RHOBTB3: variants seen among roughly 807,000 people sequenced by gnomAD.
RHOBTB3 encodes rho-related BTB domain-containing protein 3.
A neutral mutation model predicts 67.2 loss-of-function variants in RHOBTB3; 47 were observed. That is an observed-to-expected ratio of 0.70 (90% confidence interval 0.55 to 0.89). The LOEUF (loss-of-function observed/expected upper bound fraction) is 0.89, where lower values mean the gene tolerates loss of function less well. Among genes scored for constraint, RHOBTB3 ranks in the 40% least tolerant of loss-of-function variants. RHOBTB3 has a pLI of 0.00. For synonymous variants in RHOBTB3, 273 were observed against 274.2 expected, an observed-to-expected ratio of 1.00 and a Z score of 0.04; for missense variants, 631 against 750.0, an observed-to-expected ratio of 0.84 and a Z score of 1.85.
chr5:95,759,959 A>G (rs1018140218), intron 6 of RHOBTB3, among the ~76,000 whole-genome samples: 14 of 149,434 alleles, frequency 9.4e-5, no homozygotes, highest in Non-Finnish European at 2.1e-4. Flanking sequence ...TTTTTTTTTT[A>G]AAGAACCAGA....
intron 7 of RHOBTB3, among the ~76,000 whole-genome samples, chr5:95,764,508 T>C (rs1440729947): frequency 6.6e-6 from 1 of 152,206 alleles, no homozygotes; most frequent in Non-Finnish European, 1.5e-5. Context: ...TCTAGTAACT[T>C]GGTATTGTGT....
rs1746527328 is a variant in RHOBTB3, at chr5:95,794,893, A to G, written c.*1719A>G. The G allele has an allele frequency of 1.3e-5, 2 of 152,186 alleles. No individual in the cohort carries two copies. The highest frequency in any genetic ancestry group is 6.5e-5 in the Admixed American group (1 of 15,270). The allele number at this position is 152,186 out of a possible 1,614,324, so 9.4% of individuals were successfully genotyped here. A position where few individuals can be genotyped will look rare whatever the true frequency, so the allele number is the denominator to read the frequency against. On this transcript the variant is annotated 3_prime_UTR_variant, in exon 12 of 12. Coordinates refer to ENST00000379982, the MANE Select transcript of RHOBTB3 (RefSeq NM_014899.4). ...TGAGGCAAGTGGATAACTTGAGGTCATGAGTTCGAAACCAGCCTGGCCAAA... is the reference window on the plus strand; with the variant it reads ...TGAGGCAAGTGGATAACTTGAGGTCGTGAGTTCGAAACCAGCCTGGCCAAA...
intron 6 of RHOBTB3, among the ~76,000 whole-genome samples, chr5:95,760,465 G>A (rs1745365739): frequency 6.6e-6 from 1 of 152,184 alleles, no homozygotes; most frequent in African/African-American, 2.4e-5. Context: ...GGCCCTTAGA[G>A]TTTCACATCA....
At chr5:95,741,975 G>C (rs1755614367) in intron 3 of RHOBTB3, among the ~76,000 whole-genome samples, 1 of 152,068 alleles carries the variant, frequency 6.6e-6, no homozygotes, top group African/African-American at 2.4e-5. Context: ...TGCTCACATT[G>C]CTCCATATTT....
intron 8 of RHOBTB3, among the ~76,000 whole-genome samples, chr5:95,777,831 A>G (rs1289419163): frequency 6.6e-6 from 1 of 152,224 alleles, no homozygotes; most frequent in African/African-American, 2.4e-5. Context: ...TTTAAGGTAC[A>G]GTTGGCTGGG....
At chr5:95,756,016 T>A (rs1295953461) in intron 6 of RHOBTB3, 2 of 413,786 alleles carry the variant, frequency 4.8e-6, no homozygotes, top group Non-Finnish European at 8.6e-6. Context: ...GAACATAAAT[T>A]TTACCATCTT....
intron 5 of RHOBTB3, among the ~76,000 whole-genome samples, chr5:95,753,521 TC>T (rs1298512346): frequency 6.6e-6 from 1 of 152,206 alleles, no homozygotes; most frequent in African/African-American, 2.4e-5. Flanking sequence ...TGGATCAATG[TC>T]CTTTGGAATT....
chr5:95,784,601 G>A (rs1344199074), intron 10 of RHOBTB3, among the ~76,000 whole-genome samples: 1 of 152,078 alleles, frequency 6.6e-6, no homozygotes, highest in East Asian at 1.9e-4. Flanking sequence ...TTAGAGAACG[G>A]GGGTGGGGGA....
chr5:95,774,163 G>T (rs1482894620), intron 8 of RHOBTB3, among the ~76,000 whole-genome samples: 3 of 151,920 alleles, frequency 2.0e-5, no homozygotes, highest in Non-Finnish European at 4.4e-5. Flanking sequence ...ATTTTTTTTA[G>T]AAAATGAAAT....
chr5:95,764,266 C>T (rs1381653580), intron 7 of RHOBTB3, among the ~76,000 whole-genome samples: 1 of 152,144 alleles, frequency 6.6e-6, no homozygotes, highest in Non-Finnish European at 1.5e-5. Context: ...TGTCCAGGTA[C>T]AGTTAAGGTT....
At chr5:95,766,034 T>C (rs1203611739) in intron 7 of RHOBTB3, among the ~76,000 whole-genome samples, 1 of 152,090 alleles carries the variant, frequency 6.6e-6, no homozygotes, top group Admixed American at 6.5e-5. Flanking sequence ...ATTCCTTCCA[T>C]GTGTATGACG....
upstream of RHOBTB3, chr5:95,731,092 T>G: frequency 9.1e-7 from 1 of 1,104,144 alleles, no homozygotes; most frequent in Non-Finnish European, 1.1e-6. Context: ...GATTGGCGGC[T>G]GGGAGCTCTC....
chr5:95,746,260 A>G (rs1301855728), intron 3 of RHOBTB3, among the ~76,000 whole-genome samples: 1 of 152,294 alleles, frequency 6.6e-6, no homozygotes, highest in East Asian at 1.9e-4. Flanking sequence ...AAATTATTTT[A>G]CATTATGTTC....
At chr5:95,728,593 T>C (rs1755125932), upstream of RHOBTB3, among the ~76,000 whole-genome samples, 1 of 152,200 alleles carries the variant, frequency 6.6e-6, no homozygotes. Flanking sequence ...TGCCTAGGCC[T>C]AGGTCTAGGA....
At chr5:95,719,026 T>C (rs1483316366) in intron 1 of RHOBTB3, among the ~76,000 whole-genome samples, 2 of 151,720 alleles carry the variant, frequency 1.3e-5, no homozygotes, top group Non-Finnish European at 2.9e-5. Context: ...AGGTATAAAG[T>C]GGAGGGGAGG....
At chr5:95,723,956 C>T (rs1179468326) in intron 1 of RHOBTB3, among the ~76,000 whole-genome samples, 1 of 152,160 alleles carries the variant, frequency 6.6e-6, no homozygotes, top group Non-Finnish European at 1.5e-5. Context: ...TACAATAAAA[C>T]ACAAACAGAA....
At chr5:95,776,299 C>T (rs984803383) in intron 8 of RHOBTB3, among the ~76,000 whole-genome samples, 7 of 151,960 alleles carry the variant, frequency 4.6e-5, no homozygotes, top group South Asian at 4.2e-4. Flanking sequence ...CCCAGCTACT[C>T]GGAAGGCTGA....
chr5:95,742,639 G>A (rs542459066), intron 3 of RHOBTB3, among the ~76,000 whole-genome samples: 2 of 152,050 alleles, frequency 1.3e-5, no homozygotes, highest in East Asian at 1.9e-4. Context: ...TTTTCTTCTG[G>A]TTCACACATT....
At chr5:95,734,655 T>C (rs1561438519) in intron 2 of RHOBTB3, among the ~76,000 whole-genome samples, 1 of 152,222 alleles carries the variant, frequency 6.6e-6, no homozygotes, top group Non-Finnish European at 1.5e-5. Flanking sequence ...CATCCGTTTT[T>C]TTGGTGTGGT....
Sources: gnomAD v4.1 joint callset for allele counts (sites outside exome capture counted in the v4.1 genomes callset) on GRCh38, gnomAD v4.1.1 for gene constraint, MANE v1.5 for transcripts, NCBI Gene and HGNC (gene_info 2026-07-23, HGNC 2026-07-21) for gene names.